RAPGEF4: variants seen among roughly 807,000 people sequenced by gnomAD.
The protein encoded by RAPGEF4 is Rap guanine nucleotide exchange factor 4.
Under a neutral mutation model 147.9 loss-of-function variants are expected in RAPGEF4, and 66 were observed. The ratio of observed to expected loss-of-function variants is 0.45; its 90% CI spans 0.37 to 0.55. The LOEUF (loss-of-function observed/expected upper bound fraction) is 0.55, where lower values mean the gene tolerates loss of function less well. RAPGEF4 is among the 20% of genes least tolerant of loss of function. The probability of loss-of-function intolerance (pLI) is 0.00; values close to 1 mark genes in which losing one functional copy is unlikely to be tolerated. For synonymous variants in RAPGEF4, 419 were observed against 442.7 expected (o/e 0.95, Z 0.67); for missense variants, 1,071 against 1,257.3 (o/e 0.85, Z 2.24).
intron 4 of RAPGEF4, among the ~76,000 whole-genome samples, chr2:172,888,534 A>G (rs1292506017): frequency 1.3e-5 from 2 of 152,238 alleles, no homozygotes; most frequent in African/African-American, 2.4e-5. Flanking sequence ...GCAGATTAGA[A>G]AAGTTTAGCA....
intron 6 of RAPGEF4, among the ~76,000 whole-genome samples, chr2:172,931,115 T>A (rs1244661547): frequency 1.5e-5 from 2 of 133,182 alleles, no homozygotes; most frequent in African/African-American, 5.8e-5. Context: ...CTCACTGGTA[T>A]AATGGTGATC....
intron 6 of RAPGEF4, among the ~76,000 whole-genome samples, chr2:172,957,629 A>T (rs1417626391): frequency 6.6e-6 from 1 of 152,186 alleles, no homozygotes; most frequent in Admixed American, 6.5e-5. Context: ...TTTCCCCTGC[A>T]TGTGTTCCTT....
intron 29 of RAPGEF4, among the ~76,000 whole-genome samples, chr2:173,037,046 T>G (rs768466108): frequency 4.6e-5 from 7 of 152,154 alleles, no homozygotes; most frequent in Admixed American, 2.0e-4. Flanking sequence ...TTTGAAAGGT[T>G]TATCTGCCAA....
chr2:173,003,258 G>A (rs1440292057), intron 17 of RAPGEF4, among the ~76,000 whole-genome samples: 15 of 150,234 alleles, frequency 1.0e-4, no homozygotes, highest in Non-Finnish European at 2.2e-4. Context: ...TCCGTTCCAT[G>A]CCCAGGTAGG....
Position 172,854,347 on chromosome 2 carries a change from A to T in RAPGEF4, c.444+39922A>T, listed in dbSNP as rs191748935. Among the ~76,000 whole-genome samples, 4 of 151,946 alleles carry T rather than the reference A, an allele frequency of 2.6e-5. No homozygotes were observed. In the East Asian group the frequency reaches 7.7e-4, roughly 29 times the overall value. Reference sequence around the variant, plus strand: ...TAAAATTCATCTCTTTTGTCTGGTGATACTCTATTGCCTTCAAATCTAATT... The same window carrying T: ...TAAAATTCATCTCTTTTGTCTGGTGTTACTCTATTGCCTTCAAATCTAATT... On this transcript the variant is annotated intron_variant, in intron 4 of 30. Transcript: ENST00000397081.
chr2:172,740,919 G>A (rs1319074320), intron 1 of RAPGEF4, among the ~76,000 whole-genome samples: 3 of 152,214 alleles, frequency 2.0e-5, no homozygotes, highest in African/African-American at 7.2e-5. Context: ...CAGAGAAGTG[G>A]ACACTCACGT....
chr2:172,964,658 C>T (rs1361259241), intron 8 of RAPGEF4, among the ~76,000 whole-genome samples: 3 of 152,112 alleles, frequency 2.0e-5, no homozygotes, highest in Non-Finnish European at 4.4e-5. Flanking sequence ...TCAGTCCCAG[C>T]TGCAGGCAGC....
At chr2:172,917,563 GAACTGGCGGAGATAGAACCCC>G (rs1684204046) in intron 4 of RAPGEF4, 1 of 674,732 alleles carries the variant, frequency 1.5e-6, no homozygotes, top group South Asian at 1.5e-5. Context: ...ATATATAAAT[GAACTGGCGGAGATAGAACCCC>G]TGCCCCCGGG....
At chr2:173,029,158 A>G (rs2105966300) in intron 25 of RAPGEF4, among the ~76,000 whole-genome samples, 1 of 152,348 alleles carries the variant, frequency 6.6e-6, no homozygotes, top group Admixed American at 6.5e-5. Context: ...CAGTGGGACC[A>G]TACACACTAG....
intron 29 of RAPGEF4, among the ~76,000 whole-genome samples, chr2:173,038,248 T>A (rs906320734): frequency 6.6e-6 from 1 of 152,250 alleles, no homozygotes; most frequent in African/African-American, 2.4e-5. Flanking sequence ...TTAGTATGGA[T>A]AATTAAACAA....
chr2:172,756,330 T>C (rs1011023881), intron 1 of RAPGEF4, among the ~76,000 whole-genome samples: 13 of 152,220 alleles, frequency 8.5e-5, no homozygotes, highest in Non-Finnish European at 1.5e-5. Context: ...TCTGCTGCCT[T>C]ACTGCACTGC....
In RAPGEF4 at chr2:173,042,524, GAGGC is replaced by G. The variant is rs1329084722; in HGVS notation, c.2853+5836_2853+5839del. Among the ~76,000 whole-genome samples the G allele has an allele frequency of 6.6e-6, 1 of 152,128 alleles. No homozygotes were observed. The highest frequency in any genetic ancestry group is 1.5e-5 in the Non-Finnish European group (1 of 68,026). On this transcript the variant is annotated intron_variant, in intron 29 of 30. Coordinates refer to ENST00000397081, the MANE Select transcript of RAPGEF4 (RefSeq NM_007023.4). The surrounding 1 kb of genome is among the most constrained non-coding windows in gnomAD (Gnocchi z 4.2). ...TGTAATCCCAGCTATTCAGGAGGCT[GAGGC>G]AGGAGAATTGCTTGAACCCAGGTGG...
In RAPGEF4 at chr2:172,868,921, G is replaced by A. The variant is rs971492667; in HGVS notation, c.445-48881G>A. ...AAGGGGGAGCAGGCATGTCACTGACGAGAGCTGGAGCAAGAGAGAGAAGAC... is the reference window on the plus strand; with the variant it reads ...AAGGGGGAGCAGGCATGTCACTGACAAGAGCTGGAGCAAGAGAGAGAAGAC... On this transcript the variant is annotated intron_variant, in intron 4 of 30. Transcript: ENST00000397081. Among the ~76,000 whole-genome samples the A allele has an allele frequency of 5.3e-5, 8 of 152,262 alleles. No homozygotes were observed. In the East Asian group the frequency reaches 1.4e-3, roughly 26 times the overall value.
chr2:172,948,859 C>A (rs2105373486), intron 6 of RAPGEF4, among the ~76,000 whole-genome samples: 1 of 152,200 alleles, frequency 6.6e-6, no homozygotes, highest in African/African-American at 2.4e-5. Flanking sequence ...GGGTACTGGG[C>A]TTAATACTTG....
intron 4 of RAPGEF4, among the ~76,000 whole-genome samples, chr2:172,820,720 AG>A (rs1688981974): frequency 6.6e-6 from 1 of 152,246 alleles, no homozygotes; most frequent in Admixed American, 6.5e-5. Flanking sequence ...TCTTAAGAAA[AG>A]AAAGTAATTA....
chr2:172,821,788 T>G, intron 4 of RAPGEF4: 1 of 1,268,226 alleles, frequency 7.9e-7, no homozygotes. Context: ...TGCCTTAGAC[T>G]GCCTGAGCTT....
At chr2:172,831,818 G>T (rs920124124) in intron 4 of RAPGEF4, among the ~76,000 whole-genome samples, 1 of 152,064 alleles carries the variant, frequency 6.6e-6, no homozygotes, top group South Asian at 2.1e-4. Flanking sequence ...TTTCGAAGAC[G>T]TTATCCCTGT....
At chr2:172,789,202 A>G (rs1005589303) in intron 1 of RAPGEF4, among the ~76,000 whole-genome samples, 2 of 152,226 alleles carry the variant, frequency 1.3e-5, no homozygotes, top group Non-Finnish European at 2.9e-5. Flanking sequence ...GGAAAACCTC[A>G]CTTTTGATTA....
chr2:173,008,164 T>A (rs916519115), intron 17 of RAPGEF4, among the ~76,000 whole-genome samples: 3 of 152,164 alleles, frequency 2.0e-5, no homozygotes, highest in African/African-American at 7.2e-5. Context: ...CACTTCTCCT[T>A]CTTGGTGCCA....
Sources: allele counts gnomAD v4.1 joint callset (sites outside exome capture counted in the v4.1 genomes callset), GRCh38; gene constraint gnomAD v4.1.1; non-coding constraint Gnocchi (gnomAD v3.1); transcripts MANE v1.5; gene names NCBI Gene and HGNC (gene_info 2026-07-23, HGNC 2026-07-21).